Variants in COBL observed in about 807,000 individuals in gnomAD.
COBL encodes cordon-bleu WH2 repeat protein.
Under a neutral mutation model 98.8 loss-of-function variants are expected in COBL, and 51 were observed. The ratio of observed to expected loss-of-function variants is 0.52; its 90% CI spans 0.41 to 0.65. COBL has a LOEUF of 0.65. Among genes scored for constraint, COBL ranks in the 30% least tolerant of loss-of-function variants. The pLI, the probability that COBL is intolerant of heterozygous loss-of-function variation, is 0.00. For missense variants in COBL, 1,617 were observed against 1,617.5 expected, an observed-to-expected ratio of 1.00 and a Z score of 0.01; for synonymous variants, 634 against 651.7, an observed-to-expected ratio of 0.97 and a Z score of 0.41.
chr7:51,223,139 A>G (rs1199126293), intron 1 of COBL, among the ~76,000 whole-genome samples: 1 of 152,238 alleles, frequency 6.6e-6, no homozygotes, highest in Non-Finnish European at 1.5e-5. Flanking sequence ...CGGGGCACGC[A>G]CTGCTTACAC....
At chr7:51,074,910 T>C (rs1465949908) in intron 7 of COBL, among the ~76,000 whole-genome samples, 1 of 152,228 alleles carries the variant, frequency 6.6e-6, no homozygotes, top group Non-Finnish European at 1.5e-5. Flanking sequence ...CATAATACTA[T>C]TTTTTGTAAA....
chr7:51,300,386 C>G (rs527565984), intron 1 of COBL, among the ~76,000 whole-genome samples: 2 of 152,254 alleles, frequency 1.3e-5, no homozygotes, highest in Admixed American at 1.3e-4. Context: ...GTCTCAAACT[C>G]CTGACCTCAG....
At chr7:51,085,082 C>T in intron 7 of COBL, 84 bp downstream of exon 7, 1 of 1,595,646 alleles carries the variant, frequency 6.3e-7, no homozygotes, top group East Asian at 2.2e-5. Flanking sequence ...TGGATGAGGC[C>T]ACTGCAGGAG....
At chr7:51,098,294 T>A (rs1345077861) in intron 6 of COBL, among the ~76,000 whole-genome samples, 3 of 144,058 alleles carry the variant, frequency 2.1e-5, no homozygotes, top group Non-Finnish European at 4.5e-5. Flanking sequence ...GTACTCCAAA[T>A]AACCAAAGCA....
Position 51,303,587 on chromosome 7 carries a change from G to A in COBL, c.41+13006C>T, listed in dbSNP as rs530501009. 1.9e-3 allele frequency among the ~76,000 whole-genome samples: 287 copies of A among 152,288 alleles called. 3 individuals carry two copies. The highest frequency in any genetic ancestry group is 6.8e-3 in the African/African-American group (282 of 41,544). ...TCATTCCACAAGGAAGTGTGTCAAA[G>A]CAACTGGTGTTCATGAGCACCTATT... On this transcript the variant is annotated intron_variant, in intron 1 of 12. Coordinates refer to ENST00000265136, the MANE Select transcript of COBL (RefSeq NM_015198.5).
chr7:51,038,431 T>C (rs982739799), intron 8 of COBL, among the ~76,000 whole-genome samples: 2 of 152,128 alleles, frequency 1.3e-5, no homozygotes, highest in Admixed American at 1.3e-4. Flanking sequence ...CTTGAGGAAA[T>C]GGTGTTTGCC....
intron 1 of COBL, among the ~76,000 whole-genome samples, chr7:51,226,522 T>TTGAGTGAGTGAGTGAGTGAG (rs3081930): frequency 0.03 from 4,531 of 150,522 alleles, 205 homozygotes; most frequent in African/African-American, 0.1. Context: ...CACCACTGCG[T>TTGAGTGAGTGAGTGAGTGAG]TGAGTGAGTG....
intron 7 of COBL, among the ~76,000 whole-genome samples, chr7:51,044,177 G>A (rs554349015): frequency 2.0e-5 from 3 of 152,226 alleles, no homozygotes; most frequent in East Asian, 1.9e-4. Flanking sequence ...GAAGATTCAC[G>A]GCCCTACTCC....
At chr7:51,093,966 A>G (rs1370401) in intron 6 of COBL, among the ~76,000 whole-genome samples, 83,149 of 150,414 alleles carry the variant, frequency 0.55, 24,438 homozygotes, top group African/African-American at 0.76. Context: ...TACTTGGATA[A>G]ATTGTTTTTT....
intron 1 of COBL, among the ~76,000 whole-genome samples, chr7:51,314,191 A>C (rs994339657): frequency 2.6e-5 from 4 of 152,202 alleles, no homozygotes; most frequent in African/African-American, 9.7e-5. Flanking sequence ...CACAGGGTGA[A>C]ATCTCGTTAA....
intron 12 of COBL, among the ~76,000 whole-genome samples, chr7:51,018,802 G>T: frequency 6.7e-6 from 1 of 148,976 alleles, no homozygotes; most frequent in Admixed American, 6.7e-5. Context: ...TGAGGCAAGA[G>T]AATAGCTTGA....
chr7:51,079,978 A>G (rs1793472866), intron 7 of COBL, among the ~76,000 whole-genome samples: 1 of 152,204 alleles, frequency 6.6e-6, no homozygotes, highest in Non-Finnish European at 1.5e-5. Flanking sequence ...TCAAGTACTA[A>G]TAACAGTTTC....
At chr7:51,085,134 C>T (rs201267464) in intron 7 of COBL, 32 bp downstream of exon 7, 279 of 1,612,928 alleles carry the variant, frequency 1.7e-4, no homozygotes, top group Middle Eastern at 3.4e-4. Flanking sequence ...CAAGCATCCC[C>T]GCATGCAGAC....
chr7:51,111,585 G>A (rs768402024), intron 6 of COBL, among the ~76,000 whole-genome samples: 26 of 152,164 alleles, frequency 1.7e-4, no homozygotes, highest in Non-Finnish European at 2.8e-4. Flanking sequence ...CTCTCTCGCT[G>A]AACTGTCCTG....
chr7:51,211,559 T>A (rs1349555785), intron 2 of COBL, among the ~76,000 whole-genome samples: 1 of 152,206 alleles, frequency 6.6e-6, no homozygotes, highest in Non-Finnish European at 1.5e-5. Flanking sequence ...GGATTCTACA[T>A]AGTAAGGCAT....
At chr7:51,147,963 C>T (rs1448978000) in intron 5 of COBL, among the ~76,000 whole-genome samples, 4 of 151,826 alleles carry the variant, frequency 2.6e-5, no homozygotes, top group Non-Finnish European at 5.9e-5. Context: ...GGGGTTTTAC[C>T]GTGTTAGCCA....
chr7:51,058,428 T>G lies in COBL; in HGVS notation c.1097-14736A>C, dbSNP rs1356162758. ...ATTATCCAGGCATGGTAGAGCGTTC[T>G]TGTAGTCCTAGCTACTTGGGAGGCT... is the stretch of plus-strand genomic sequence containing the variant. On this transcript the variant is annotated intron_variant, in intron 7 of 12. Transcript: ENST00000265136. Among the ~76,000 whole-genome samples the G allele has an allele frequency of 3.3e-5, 5 of 152,208 alleles. No individual in the cohort carries two copies. The East Asian group carries it at 9.7e-4, about 29-fold the overall frequency.
At chr7:51,128,480 G>A (rs1170449843) in intron 6 of COBL, among the ~76,000 whole-genome samples, 2 of 151,688 alleles carry the variant, frequency 1.3e-5, no homozygotes, top group African/African-American at 4.8e-5. Flanking sequence ...AAAAATCTCA[G>A]ATGCAGAAAA....
At chr7:51,096,418 C>T (rs1046853983) in intron 6 of COBL, among the ~76,000 whole-genome samples, 12 of 151,842 alleles carry the variant, frequency 7.9e-5, no homozygotes, top group South Asian at 2.1e-4. Flanking sequence ...TGAAAAACAA[C>T]GAAAGAGCTC....
Sources: gnomAD v4.1 joint callset for allele counts (sites outside exome capture counted in the v4.1 genomes callset) on GRCh38, gnomAD v4.1.1 for gene constraint, MANE v1.5 for transcripts, NCBI Gene and HGNC (gene_info 2026-07-23, HGNC 2026-07-21) for gene names.